The following ARHGEF10L variants were observed in gnomAD, a reference collection of about 807,000 sequenced individuals.
ARHGEF10L encodes the protein Rho guanine nucleotide exchange factor 10 like, also known as rho guanine nucleotide exchange factor 10-like protein.
A neutral mutation model predicts 141.2 loss-of-function variants in ARHGEF10L; 69 were observed. The observed-to-expected ratio is 0.49, with a 90% CI of 0.40 to 0.60. The LOEUF (loss-of-function observed/expected upper bound fraction) is 0.60. Ranked by LOEUF, ARHGEF10L falls within the 20% of genes least tolerant of loss-of-function variation. The probability of loss-of-function intolerance (pLI) is 0.00; values close to 1 mark genes in which losing one functional copy is unlikely to be tolerated. For missense variants in ARHGEF10L, 1,482 were observed against 1,734.3 expected, an observed-to-expected ratio of 0.85 and a Z score of 2.58; for synonymous variants, 711 against 718.5, an observed-to-expected ratio of 0.99 and a Z score of 0.17.
In ARHGEF10L at chr1:17,627,841, CA is replaced by C. The variant is rs2060469195; in HGVS notation, c.1584+340del. 6.6e-6 allele frequency among the ~76,000 whole-genome samples: 1 copy of C among 152,094 alleles called. No homozygotes were observed. Among genetic ancestry groups the C allele is most frequent in the Non-Finnish European group, 1.5e-5 (1 of 68,016 alleles). On this transcript the variant is annotated intron_variant, in intron 15 of 28. Transcript: ENST00000361221. This position sits in a 1 kb window ranked among gnomAD's most constrained non-coding sequence, Gnocchi z 4.0. ...GCCATAGGTGCTTGCTGTGTGCCCT[CA>C]AGGGAATCACCCACCCTCTCTGAAC...
chr1:17,622,958 C>A, intron 11 of ARHGEF10L, 38 bp from the exon 12 acceptor site: 1 of 1,582,700 alleles, frequency 6.3e-7, no homozygotes, highest in Non-Finnish European at 8.6e-7. Context: ...AGAGAGGCTG[C>A]GGCCTGGCCT....
At position 17,648,666 on chromosome 1, in the gene ARHGEF10L, C is replaced by T. The variant is rs1356909246; in HGVS notation, c.2385C>T (p.Leu795=). ...CCIPAFSSRA[L]SLQLGALVHS... ...TCCCTGCCTTCTCCTCCCGGGCACT[C>T]AGCCTGCAGGTGAGTGGAGCGGATC... The change falls in exon 22 of 29, where the codon CTC becomes CTT. Residue 795 remains leucine, a synonymous_variant. Transcript: ENST00000361221. 1.2e-6 allele frequency: 2 copies of T among 1,612,624 alleles called. No individual in the cohort carries two copies. The highest frequency in any genetic ancestry group is 1.7e-6 in the Non-Finnish European group (2 of 1,179,978).
intron 27 of ARHGEF10L, among the ~76,000 whole-genome samples, chr1:17,692,697 G>A (rs1045282064): frequency 1.3e-5 from 2 of 152,152 alleles, no homozygotes; most frequent in African/African-American, 2.4e-5. Context: ...TAGCTAGAAC[G>A]TTCCACTCAA....
At position 17,655,974 on chromosome 1, in the gene ARHGEF10L, C is replaced by T. The variant is rs569852512; in HGVS notation, c.2577C>T (p.Ala859=). Residue 859 remains alanine, a synonymous_variant, in exon 24 of 29, where the codon GCC becomes GCT. Transcript: ENST00000361221. ...CCGTCAAGTCCTTCCCACTGGCAGCCCCTGTGCTCTGCATGGAGTATATCC... is the reference window on the plus strand; with the variant it reads ...CCGTCAAGTCCTTCCCACTGGCAGCTCCTGTGCTCTGCATGGAGTATATCC... ...PRTVKSFPLA[A]PVLCMEYIPE... is the part of the protein sequence containing the mutation. The T allele has an allele frequency of 3.0e-5, 47 of 1,565,884 alleles. No individual in the cohort carries two copies. The African/African-American group carries it at 5.3e-4, about 18-fold the overall frequency.
At position 17,619,794 on chromosome 1, in the gene ARHGEF10L, T is replaced by C. The variant is rs2060007489; in HGVS notation, c.942+349T>C. 6.6e-6 allele frequency among the ~76,000 whole-genome samples: 1 copy of C among 152,162 alleles called. No homozygotes were observed. The highest frequency in any genetic ancestry group is 6.5e-5 in the Admixed American group (1 of 15,276). ...GATGGGATCCAGACTCAGGTGAGGC[T>C]GCAGGTGTGTAGGTGCCCAGTCCCT... On this transcript the variant is annotated intron_variant, in intron 10 of 28. Coordinates refer to ENST00000361221, the MANE Select transcript of ARHGEF10L (RefSeq NM_018125.4). This position sits in a 1 kb window ranked among gnomAD's most constrained non-coding sequence, Gnocchi z 5.0.
chr1:17,539,657 C>T (rs2076641261), upstream of ARHGEF10L, among the ~76,000 whole-genome samples: 1 of 149,010 alleles, frequency 6.7e-6, no homozygotes, highest in South Asian at 2.1e-4. This position sits in a 1 kb window ranked among gnomAD's most constrained non-coding sequence, Gnocchi z 6.0. Flanking sequence ...GCGGTGACCT[C>T]AGCCGCGGCG....
chr1:17,560,496 C>A (rs2077502804), intron 1 of ARHGEF10L, among the ~76,000 whole-genome samples: 1 of 152,158 alleles, frequency 6.6e-6, no homozygotes, highest in African/African-American at 2.4e-5. Context: ...AGGCAGGAAC[C>A]AGCCCAGGAC....
chr1:17,696,811 C>T, intron 28 of ARHGEF10L, 37 bp from the exon 29 acceptor site: 1 of 1,510,622 alleles, frequency 6.6e-7, no homozygotes, highest in Non-Finnish European at 8.9e-7. Context: ...TGCGCTGGGC[C>T]TTTGGGCCCC....
chr1:17,670,185 A>G lies in ARHGEF10L; in HGVS notation c.3009+5590A>G, dbSNP rs142537891. Reference sequence around the variant, plus strand: ...GCTGAAGACTGCCTCCCTGAGGCCCACATGGCCTGGACTCTGCGCCTTGTC... The same window carrying G: ...GCTGAAGACTGCCTCCCTGAGGCCCGCATGGCCTGGACTCTGCGCCTTGTC... On this transcript the variant is annotated intron_variant, in intron 26 of 28. Coordinates refer to ENST00000361221, the MANE Select transcript of ARHGEF10L (RefSeq NM_018125.4). 8.5e-3 allele frequency among the ~76,000 whole-genome samples: 1,295 copies of G among 152,380 alleles called. 22 individuals carry two copies. Among genetic ancestry groups the G allele is most frequent in the African/African-American group, 0.03 (1,256 of 41,598 alleles).
intron 4 of ARHGEF10L, among the ~76,000 whole-genome samples, chr1:17,594,883 G>A (rs79411476): frequency 0.022 from 3,335 of 152,156 alleles, 123 homozygotes; most frequent in African/African-American, 0.075. Flanking sequence ...GTGCTTACTC[G>A]GTGAGCTGCT....
chr1:17,558,099 C>T lies in ARHGEF10L; in HGVS notation c.-44+18149C>T, dbSNP rs933370263. On this transcript the variant is annotated intron_variant, in intron 1 of 28. Coordinates refer to ENST00000361221, the MANE Select transcript of ARHGEF10L (RefSeq NM_018125.4). This position sits in a 1 kb window ranked among gnomAD's most constrained non-coding sequence, Gnocchi z 4.2. ...CTGTCCATCTGTCCATCTGTCTACC[C>T]GTTTGTCCATTGTCCATCCATCCAT... 3.9e-5 allele frequency among the ~76,000 whole-genome samples: 6 copies of T among 151,934 alleles called. No homozygotes were observed. Among genetic ancestry groups the T allele is most frequent in the East Asian group, 1.9e-4 (1 of 5,176 alleles).
intron 1 of ARHGEF10L, among the ~76,000 whole-genome samples, chr1:17,562,578 T>A (rs1465928066): frequency 6.6e-6 from 1 of 152,212 alleles, no homozygotes; most frequent in East Asian, 1.9e-4. Context: ...TCCTGGCTAG[T>A]GAGAGCAGTG....
intron 26 of ARHGEF10L, among the ~76,000 whole-genome samples, chr1:17,679,516 C>T (rs934427418): frequency 3.9e-5 from 6 of 152,190 alleles, no homozygotes; most frequent in Non-Finnish European, 7.4e-5. Flanking sequence ...CCGGGTAGGA[C>T]TGGTCACCCT....
chr1:17,559,340 A>T (rs980922561), intron 1 of ARHGEF10L, among the ~76,000 whole-genome samples: 1 of 152,148 alleles, frequency 6.6e-6, no homozygotes, highest in Admixed American at 6.5e-5. Context: ...CAGCCCTGTC[A>T]CAGGGGCGGG....
At position 17,648,605 on chromosome 1, in the gene ARHGEF10L, A is replaced by C. The variant is rs766180671; in HGVS notation, c.2324A>C (p.Lys775Thr). The C allele has an allele frequency of 1.2e-6, 2 of 1,613,642 alleles. No homozygotes were observed. Among genetic ancestry groups the C allele is most frequent in the South Asian group, 2.2e-5 (2 of 91,046 alleles). ...TGCCCGGATGAGGACAAGAAGAGCAAAGCCCCATTCTGGTGCCCGATCCTG... is the reference window on the plus strand; with the variant it reads ...TGCCCGGATGAGGACAAGAAGAGCACAGCCCCATTCTGGTGCCCGATCCTG... ...WLCPDEDKKSKAPFWCPILAC... is the reference protein window; with the variant it reads ...WLCPDEDKKSTAPFWCPILAC... The change falls in exon 22 of 29, where the codon AAA becomes ACA. Residue 775 changes from lysine to threonine, a missense_variant. By Grantham distance (78) the Lys-to-Thr change is moderately conservative (BLOSUM62 -1). Transcript: ENST00000361221.
At chr1:17,533,072 C>G in the ARHGEF10L span, among the ~76,000 whole-genome samples, 1 of 152,330 alleles carries the variant, frequency 6.6e-6, no homozygotes, top group South Asian at 2.1e-4. Context: ...TCTCTCCTCT[C>G]ATCACAGGCT....
intron 26 of ARHGEF10L, among the ~76,000 whole-genome samples, chr1:17,686,959 A>G (rs2064655763): frequency 6.6e-6 from 1 of 151,484 alleles, no homozygotes; most frequent in South Asian, 2.1e-4. Context: ...TCTTTTTTTA[A>G]TCCACCTGGC....
In ARHGEF10L at chr1:17,625,750, G is replaced by T. The variant is rs1002868706; in HGVS notation, c.1318-206G>T. On this transcript the variant is annotated intron_variant, in intron 13 of 28. Coordinates refer to ENST00000361221, the MANE Select transcript of ARHGEF10L (RefSeq NM_018125.4). This position sits in a 1 kb window ranked among gnomAD's most constrained non-coding sequence, Gnocchi z 4.5. ...AGATGACTGCTTTAGTCTCCTGAGG[G>T]TGCGCGGCCATGCAGGGGCACTGGT... is the stretch of plus-strand genomic sequence containing the variant. Among the ~76,000 whole-genome samples the T allele has an allele frequency of 6.6e-6, 1 of 152,186 alleles. No homozygotes were observed. Among genetic ancestry groups the T allele is most frequent in the Non-Finnish European group, 1.5e-5 (1 of 68,034 alleles).
intron 2 of ARHGEF10L, among the ~76,000 whole-genome samples, chr1:17,581,904 C>T (rs1188307558): frequency 1.3e-5 from 2 of 151,936 alleles, no homozygotes; most frequent in East Asian, 1.9e-4. Context: ...GGGAGCAGCA[C>T]AGCAGACCTG....
Sources: allele counts gnomAD v4.1 joint callset (sites outside exome capture counted in the v4.1 genomes callset), GRCh38; gene constraint gnomAD v4.1.1; non-coding constraint Gnocchi (gnomAD v3.1); transcripts MANE v1.5; gene names NCBI Gene and HGNC (gene_info 2026-07-23, HGNC 2026-07-21).